Variants in SOX6 observed in about 807,000 individuals in gnomAD.
SOX6 encodes transcription factor SOX-6.
In SOX6, 11 loss-of-function variants were observed where a neutral mutation model predicts 97.8. The ratio of observed to expected loss-of-function variants is 0.11; its 90% CI spans 0.07 to 0.19. The LOEUF (loss-of-function observed/expected upper bound fraction) is 0.19, where lower values mean the gene tolerates loss of function less well. SOX6 is among the 10% of genes least tolerant of loss of function. The probability of loss-of-function intolerance (pLI) is 1.00; values close to 1 mark genes in which losing one functional copy is unlikely to be tolerated. For synonymous variants in SOX6, 360 were observed against 371.4 expected (o/e 0.97, Z 0.35); for missense variants, 810 against 1,039.5 (o/e 0.78, Z 3.04).
At chr11:16,606,414 G>A (rs1353042119) in intron 4 of SOX6, among the ~76,000 whole-genome samples, 4 of 152,112 alleles carry the variant, frequency 2.6e-5, no homozygotes, top group Non-Finnish European at 4.4e-5. Context: ...TTACCGCCTA[G>A]CGGTCCCATC....
chr11:16,712,411 A>AT (rs200882011), intron 3 of SOX6, among the ~76,000 whole-genome samples: 19 of 149,036 alleles, frequency 1.3e-4, no homozygotes, highest in South Asian at 6.4e-4. Context: ...GCCAACATCT[A>AT]TTTTTTTTTT....
At chr11:16,590,394 G>A (rs1442933316) in intron 4 of SOX6, among the ~76,000 whole-genome samples, 1 of 152,120 alleles carries the variant, frequency 6.6e-6, no homozygotes, top group Non-Finnish European at 1.5e-5. Context: ...GAACCCACTG[G>A]TGAAGTGGTT....
chr11:16,491,727 G>C (rs1318898914), intron 4 of SOX6, among the ~76,000 whole-genome samples: 2 of 152,072 alleles, frequency 1.3e-5, no homozygotes, highest in Non-Finnish European at 2.9e-5. Context: ...GAACAGACTA[G>C]AGAGCACAGA....
chr11:16,642,211 C>A (rs898622885), intron 3 of SOX6, among the ~76,000 whole-genome samples: 1 of 152,140 alleles, frequency 6.6e-6, no homozygotes, highest in Non-Finnish European at 1.5e-5. Context: ...AAATTCTTTT[C>A]TTTAAGAATG....
chr11:16,448,129 G>C (rs1449599896), intron 1 of SOX6, among the ~76,000 whole-genome samples: 1 of 152,194 alleles, frequency 6.6e-6, no homozygotes, highest in African/African-American at 2.4e-5. Context: ...TGTTTATGAG[G>C]AACCCAGCTA....
At chr11:16,454,180 G>A (rs572116572) in intron 1 of SOX6, among the ~76,000 whole-genome samples, 1 of 152,158 alleles carries the variant, frequency 6.6e-6, no homozygotes, top group African/African-American at 2.4e-5. Flanking sequence ...CGTACCAGGA[G>A]TACGATTATT....
Position 16,708,727 on chromosome 11 carries a change from G to A in SOX6, n.429+6103C>T, listed in dbSNP as rs533040263. Among the ~76,000 whole-genome samples the A allele has an allele frequency of 1.8e-3, 278 of 152,088 alleles. 1 individual carries two copies. The highest frequency in any genetic ancestry group is 3.0e-3 in the Non-Finnish European group (207 of 67,986). On this transcript the variant is annotated intron_variant and non_coding_transcript_variant, in intron 3 of 5. Transcript: ENST00000524520. ...TAGAGCCTAACATAGCCATGCGTGG[G>A]GTACATGATCGGTAAATAAAGACTT...
intron 1 of SOX6, among the ~76,000 whole-genome samples, chr11:16,363,302 A>G (rs976015462): frequency 6.6e-6 from 1 of 152,176 alleles, no homozygotes; most frequent in Non-Finnish European, 1.5e-5. Context: ...GAGATTGAGC[A>G]TTCCCTAATC....
chr11:16,702,363 T>C (rs1848101253), intron 3 of SOX6, among the ~76,000 whole-genome samples: 1 of 152,170 alleles, frequency 6.6e-6, no homozygotes, highest in African/African-American at 2.4e-5. Flanking sequence ...ATAAGTAATT[T>C]CCAATCACTT....
chr11:16,399,913 A>G (rs911109515), intron 1 of SOX6, among the ~76,000 whole-genome samples: 2 of 151,458 alleles, frequency 1.3e-5, no homozygotes, highest in African/African-American at 4.8e-5. Context: ...AAAGGGAGAA[A>G]ATGGAAGTTT....
At chr11:15,989,980 C>A (rs1411641235) in intron 13 of SOX6, among the ~76,000 whole-genome samples, 2 of 151,868 alleles carry the variant, frequency 1.3e-5, no homozygotes, top group Admixed American at 6.6e-5. Flanking sequence ...ATGTCTAAAC[C>A]GAGTCTTCAA....
intron 1 of SOX6, among the ~76,000 whole-genome samples, chr11:16,388,058 T>C (rs1034253916): frequency 2.6e-5 from 4 of 152,180 alleles, no homozygotes; most frequent in African/African-American, 4.8e-5. Context: ...CCATCAAATA[T>C]GATGTTAGTT....
At chr11:16,037,409 G>A (rs1855547541) in intron 12 of SOX6, among the ~76,000 whole-genome samples, 1 of 152,096 alleles carries the variant, frequency 6.6e-6, no homozygotes, top group Non-Finnish European at 1.5e-5. Flanking sequence ...ACAACAACAG[G>A]GCAGCTTCTA....
At chr11:15,980,044 A>G (rs1478775976) in intron 15 of SOX6, among the ~76,000 whole-genome samples, 1 of 152,114 alleles carries the variant, frequency 6.6e-6, no homozygotes, top group African/African-American at 2.4e-5. Flanking sequence ...AGGATGAATG[A>G]ATGAATGAGA....
chr11:16,503,225 TGG>T (rs1860735395), intron 4 of SOX6, among the ~76,000 whole-genome samples: 2 of 150,860 alleles, frequency 1.3e-5, no homozygotes, highest in South Asian at 4.2e-4. Flanking sequence ...GTTCTACCCC[TGG>T]AAGTGATAAG....
intron 3 of SOX6, among the ~76,000 whole-genome samples, chr11:16,704,904 C>A (rs755306892): frequency 3.3e-5 from 5 of 152,104 alleles, no homozygotes; most frequent in Non-Finnish European, 7.4e-5. Flanking sequence ...CTCTTGACAA[C>A]TTTTTAAAAC....
chr11:16,353,632 TATC>T (rs1857004609), intron 1 of SOX6, among the ~76,000 whole-genome samples: 1 of 152,040 alleles, frequency 6.6e-6, no homozygotes, highest in Non-Finnish European at 1.5e-5. Context: ...TTGCTGGAAT[TATC>T]ATAAACAGCT....
Position 15,967,189 on chromosome 11 carries a change from T to C in SOX6, c.*5620A>G, listed in dbSNP as rs531642137. The C allele has an allele frequency of 3.3e-5, 5 of 152,326 alleles. No homozygotes were observed. The highest frequency in any genetic ancestry group is 5.9e-5 in the Non-Finnish European group (4 of 68,032). 9.4% of individuals were successfully genotyped at this position (152,326 alleles called of 1,614,324 possible). ...GCCAAGTAGGTACCTGCATTATACA[T>C]AGAATTTCTACAAAGAAAATCTGCA... On this transcript the variant is annotated 3_prime_UTR_variant, in exon 16 of 16. Coordinates refer to ENST00000683767, the MANE Select transcript of SOX6 (RefSeq NM_001367873.1).
intron 1 of SOX6, among the ~76,000 whole-genome samples, chr11:16,432,965 C>T (rs931540025): frequency 1.3e-5 from 2 of 152,030 alleles, no homozygotes; most frequent in East Asian, 3.9e-4. Flanking sequence ...GCTTGCTGTA[C>T]AGCCAGTAAT....
Sources: gnomAD v4.1 joint callset for allele counts (sites outside exome capture counted in the v4.1 genomes callset) on GRCh38, gnomAD v4.1.1 for gene constraint, MANE v1.5 for transcripts, NCBI Gene and HGNC (gene_info 2026-07-23, HGNC 2026-07-21) for gene names.